The following AP3B1 variants were observed in gnomAD, a reference collection of about 807,000 sequenced individuals.
AP3B1 encodes AP-3 complex subunit beta-1.
Under a neutral mutation model 132.5 loss-of-function variants are expected in AP3B1, and 61 were observed. That is an observed-to-expected ratio of 0.46 (90% confidence interval 0.37 to 0.57). The LOEUF is 0.57. AP3B1 is among the 20% of genes least tolerant of loss of function. The pLI, the probability that AP3B1 is intolerant of heterozygous loss-of-function variation, is 0.00. For missense variants in AP3B1, 1,120 were observed against 1,289.4 expected, an observed-to-expected ratio of 0.87 and a Z score of 2.01; for synonymous variants, 388 against 438.3, an observed-to-expected ratio of 0.89 and a Z score of 1.43.
At chr5:78,090,893 A>G (rs1750480144) in intron 21 of AP3B1, among the ~76,000 whole-genome samples, 1 of 151,976 alleles carries the variant, frequency 6.6e-6, no homozygotes, top group Non-Finnish European at 1.5e-5. Context: ...CCTGGGCCCA[A>G]GCAATCTCAG....
intron 1 of AP3B1, among the ~76,000 whole-genome samples, chr5:78,273,192 C>T (rs1038843278): frequency 6.6e-6 from 1 of 151,970 alleles, no homozygotes; most frequent in Non-Finnish European, 1.5e-5. Context: ...ATAGCTTGAC[C>T]TCAGGAGTTT....
At chr5:78,169,181 C>T (rs1468906296) in intron 11 of AP3B1, among the ~76,000 whole-genome samples, 2 of 152,160 alleles carry the variant, frequency 1.3e-5, no homozygotes, top group South Asian at 2.1e-4. Context: ...ATATTCCTAA[C>T]TGCACTCTAT....
intron 22 of AP3B1, among the ~76,000 whole-genome samples, chr5:78,044,533 G>C (rs576017549): frequency 2.6e-5 from 4 of 152,090 alleles, no homozygotes; most frequent in African/African-American, 9.7e-5. Flanking sequence ...TATAATATCG[G>C]GGAAAGAAAG....
At chr5:78,202,306 T>G (rs1355661324) in intron 7 of AP3B1, among the ~76,000 whole-genome samples, 2 of 152,186 alleles carry the variant, frequency 1.3e-5, no homozygotes, top group Non-Finnish European at 2.9e-5. Context: ...AATGGACTAA[T>G]ACACAATCCT....
chr5:78,081,950 G>C (rs183214880), intron 22 of AP3B1, among the ~76,000 whole-genome samples: 1 of 151,852 alleles, frequency 6.6e-6, no homozygotes, highest in Non-Finnish European at 1.5e-5. Flanking sequence ...CAGGTTTGGC[G>C]TGCAGTGACT....
chr5:78,140,147 T>C (rs752954856), intron 15 of AP3B1, among the ~76,000 whole-genome samples: 4 of 152,114 alleles, frequency 2.6e-5, no homozygotes, highest in Non-Finnish European at 5.9e-5. Flanking sequence ...ATTTCGTACA[T>C]GGAAGCAAAA....
intron 24 of AP3B1, 45 bp downstream of exon 24, chr5:78,034,316 A>G (rs748894298): frequency 7.6e-6 from 11 of 1,437,990 alleles, no homozygotes; most frequent in Non-Finnish European, 6.9e-6. Flanking sequence ...TTGATCTGCT[A>G]TCCTTTACAG....
At chr5:78,112,110 T>C (rs1751619101) in intron 19 of AP3B1, among the ~76,000 whole-genome samples, 1 of 152,134 alleles carries the variant, frequency 6.6e-6, no homozygotes, top group Non-Finnish European at 1.5e-5. Context: ...TAAAAAATTA[T>C]CATACTGGCA....
At chr5:78,184,907 A>C (rs565660901) in intron 7 of AP3B1, among the ~76,000 whole-genome samples, 1 of 152,212 alleles carries the variant, frequency 6.6e-6, no homozygotes, top group Non-Finnish European at 1.5e-5. Flanking sequence ...AAGAAATCCA[A>C]AACAGCACAC....
At chr5:78,136,352 C>G (rs1752909238) in intron 15 of AP3B1, among the ~76,000 whole-genome samples, 1 of 152,080 alleles carries the variant, frequency 6.6e-6, no homozygotes, top group South Asian at 2.1e-4. Flanking sequence ...TGCATTTGTT[C>G]CAACTCAGTT....
chr5:78,276,827 C>T (rs1191651651), intron 1 of AP3B1, among the ~76,000 whole-genome samples: 1 of 151,322 alleles, frequency 6.6e-6, no homozygotes, highest in African/African-American at 2.4e-5. Context: ...CAAGATCGCA[C>T]CATTTCACTT....
chr5:78,032,347 G>A (rs1337983868), intron 24 of AP3B1, among the ~76,000 whole-genome samples: 2 of 152,086 alleles, frequency 1.3e-5, no homozygotes, highest in Middle Eastern at 3.4e-3. Context: ...GTATCGATTT[G>A]TATAATGTAT....
intron 17 of AP3B1, among the ~76,000 whole-genome samples, chr5:78,122,096 C>G (rs1752233950): frequency 6.6e-6 from 1 of 152,100 alleles, no homozygotes; most frequent in African/African-American, 2.4e-5. Flanking sequence ...AGACAAAAAC[C>G]ACATGATTAT....
chr5:78,217,800 G>A (rs1746023111), intron 6 of AP3B1, among the ~76,000 whole-genome samples: 1 of 151,870 alleles, frequency 6.6e-6, no homozygotes, highest in Non-Finnish European at 1.5e-5. Flanking sequence ...CAAAAATAAA[G>A]GATAGTATCT....
At chr5:78,286,128 T>A (rs1400668270) in intron 1 of AP3B1, among the ~76,000 whole-genome samples, 1 of 152,214 alleles carries the variant, frequency 6.6e-6, no homozygotes, top group Non-Finnish European at 1.5e-5. Context: ...TCTGCCCTCA[T>A]ATTTTACTAA....
intron 24 of AP3B1, among the ~76,000 whole-genome samples, chr5:78,029,427 T>C (rs1747480452): frequency 6.6e-6 from 1 of 151,958 alleles, no homozygotes; most frequent in Admixed American, 6.6e-5. Context: ...ACTTCATCTA[T>C]CTAATCTCAA....
chr5:78,240,750 A>G (rs1302629736), intron 3 of AP3B1, 112 bp downstream of exon 3: 4 of 747,804 alleles, frequency 5.3e-6, no homozygotes, highest in African/African-American at 3.5e-5. Context: ...CATTTTAATC[A>G]TAACAAAAAT....
chr5:78,177,320 A>G lies in AP3B1; in HGVS notation c.1040+19T>C, dbSNP rs773620646. On this transcript the variant is annotated intron_variant, in intron 9 of 26. Transcript: ENST00000255194. ...TGAAGGAATACAAAAGAAAAAATAT[A>G]TATAAAATCATGACCTACCTATTGC... The G allele has an allele frequency of 1.3e-6, 2 of 1,530,152 alleles. No homozygotes were observed. Among genetic ancestry groups the G allele is most frequent in the Non-Finnish European group, 1.8e-6 (2 of 1,105,556 alleles). The allele number at this position is 1,530,152 out of a possible 1,614,324, so 94.8% of individuals were successfully genotyped here. A position where few individuals can be genotyped will look rare whatever the true frequency, so the allele number is the denominator to read the frequency against.
chr5:78,004,144 C>T (rs1213718944), intron 26 of AP3B1, among the ~76,000 whole-genome samples: 1 of 152,196 alleles, frequency 6.6e-6, no homozygotes, highest in African/African-American at 2.4e-5. Context: ...GTGTCTGAAT[C>T]TGAGCCATCT....
Sources: allele counts gnomAD v4.1 joint callset (sites outside exome capture counted in the v4.1 genomes callset), GRCh38; gene constraint gnomAD v4.1.1; transcripts MANE v1.5; gene names NCBI Gene and HGNC (gene_info 2026-07-23, HGNC 2026-07-21).